MTHFD2L: variants seen among roughly 807,000 people sequenced by gnomAD.
MTHFD2L encodes bifunctional methylenetetrahydrofolate dehydrogenase/cyclohydrolase 2, mitochondrial.
Under a neutral mutation model 34.9 loss-of-function variants are expected in MTHFD2L, and 29 were observed. The observed-to-expected ratio is 0.83, with a 90% CI of 0.62 to 1.13. MTHFD2L has a LOEUF of 1.13. Among genes scored for constraint, MTHFD2L ranks in the 50% most tolerant of loss-of-function variants. The probability of loss-of-function intolerance (pLI) is 0.00; values close to 1 mark genes in which losing one functional copy is unlikely to be tolerated. For missense variants in MTHFD2L, 481 were observed against 446.5 expected, an observed-to-expected ratio of 1.08 and a Z score of -0.70; for synonymous variants, 167 against 155.7, an observed-to-expected ratio of 1.07 and a Z score of -0.54.
intron 1 of MTHFD2L, among the ~76,000 whole-genome samples, chr4:74,138,758 A>G (rs1054565824): frequency 1.3e-5 from 2 of 152,204 alleles, no homozygotes; most frequent in African/African-American, 2.4e-5. Context: ...GTTCAGTAGC[A>G]AGATTTAATG....
chr4:74,285,392 C>T (rs1435264197), intron 7 of MTHFD2L, among the ~76,000 whole-genome samples: 2 of 151,960 alleles, frequency 1.3e-5, no homozygotes, highest in African/African-American at 4.8e-5. Flanking sequence ...AGTTGTATGA[C>T]CAAAAGAAGG....
At chr4:74,139,433 T>C (rs1376321244) in intron 1 of MTHFD2L, among the ~76,000 whole-genome samples, 1 of 152,202 alleles carries the variant, frequency 6.6e-6, no homozygotes, top group African/African-American at 2.4e-5. Flanking sequence ...TGTCTGGCTG[T>C]CCTCAGGGGT....
chr4:74,189,810 A>G (rs975713662), intron 3 of MTHFD2L, among the ~76,000 whole-genome samples: 2 of 151,894 alleles, frequency 1.3e-5, no homozygotes, highest in Non-Finnish European at 2.9e-5. Context: ...TTATATCCTC[A>G]TCTGTTTTTG....
chr4:74,127,737 C>T (rs1035545604), intron 1 of MTHFD2L, among the ~76,000 whole-genome samples: 5 of 152,012 alleles, frequency 3.3e-5, no homozygotes, highest in Non-Finnish European at 7.4e-5. Context: ...CTTTGATATA[C>T]CGATTTTCTT....
intron 1 of MTHFD2L, among the ~76,000 whole-genome samples, chr4:74,145,371 A>T (rs1723532456): frequency 6.6e-6 from 1 of 152,188 alleles, no homozygotes; most frequent in Non-Finnish European, 1.5e-5. Context: ...CATAAGTTCT[A>T]TGCAAATACT....
At chr4:74,270,759 G>A (rs532735684) in intron 6 of MTHFD2L, among the ~76,000 whole-genome samples, 79 of 152,254 alleles carry the variant, frequency 5.2e-4, no homozygotes, top group African/African-American at 1.9e-3. Context: ...GTCTTCCACA[G>A]TGGTTGAACT....
chr4:74,295,171 T>A (rs1352044170), intron 7 of MTHFD2L, among the ~76,000 whole-genome samples: 1 of 152,064 alleles, frequency 6.6e-6, no homozygotes, highest in African/African-American at 2.4e-5. Context: ...TGACCCCATA[T>A]AGCCCATGAT....
At chr4:74,164,610 A>C (rs1378231037) in intron 1 of MTHFD2L, among the ~76,000 whole-genome samples, 1 of 152,238 alleles carries the variant, frequency 6.6e-6, no homozygotes, top group Non-Finnish European at 1.5e-5. Flanking sequence ...CTTTTAGCCA[A>C]ATCCTCTTAT....
At chr4:74,205,623 G>A in intron 5 of MTHFD2L, among the ~76,000 whole-genome samples, 1 of 152,026 alleles carries the variant, frequency 6.6e-6, no homozygotes, top group African/African-American at 2.4e-5. Context: ...AATATTTAGA[G>A]GAATGAGAAT....
intron 7 of MTHFD2L, among the ~76,000 whole-genome samples, chr4:74,301,354 C>T (rs73824458): frequency 0.044 from 6,752 of 151,984 alleles, 468 homozygotes; most frequent in African/African-American, 0.15. Flanking sequence ...CTTTTGTGAC[C>T]AGTATCATGT....
intron 1 of MTHFD2L, among the ~76,000 whole-genome samples, chr4:74,141,008 CT>C (rs1293910422): frequency 6.6e-6 from 1 of 152,138 alleles, no homozygotes; most frequent in African/African-American, 2.4e-5. Context: ...GTTAGATTAC[CT>C]TACCAAATAT....
chr4:74,233,763 A>T (rs868336385), intron 6 of MTHFD2L, among the ~76,000 whole-genome samples: 2 of 151,082 alleles, frequency 1.3e-5, no homozygotes, highest in Middle Eastern at 3.4e-3. Flanking sequence ...ACAAAGTTTT[A>T]TTTTTTTTTC....
At chr4:74,222,704 A>G in intron 5 of MTHFD2L, among the ~76,000 whole-genome samples, 1 of 152,114 alleles carries the variant, frequency 6.6e-6, no homozygotes, top group South Asian at 2.1e-4. Context: ...ACTTTGATTA[A>G]GTAAACTGTG....
At chr4:74,173,898 G>A (rs943667592) in intron 1 of MTHFD2L, among the ~76,000 whole-genome samples, 3 of 152,148 alleles carry the variant, frequency 2.0e-5, no homozygotes, top group South Asian at 2.1e-4. Context: ...TGTGAAAGTT[G>A]TGAAGAAATG....
At chr4:74,297,130 A>G (rs1749728381) in intron 7 of MTHFD2L, among the ~76,000 whole-genome samples, 1 of 152,104 alleles carries the variant, frequency 6.6e-6, no homozygotes, top group Non-Finnish European at 1.5e-5. Context: ...CAGAGTCTAA[A>G]GTTTGCAGAG....
At position 74,158,345 on chromosome 4, in the gene MTHFD2L, C is replaced by T. The variant is rs986385417; in HGVS notation, c.143+64C>T. ...GGTGGGAGGTCGGCGGGGGCGCGGGCGGCGCTCGCGCGCGTGGGGCCCAAG... is the reference window on the plus strand; with the variant it reads ...GGTGGGAGGTCGGCGGGGGCGCGGGTGGCGCTCGCGCGCGTGGGGCCCAAG... On this transcript the variant is annotated intron_variant, in intron 1 of 7. Transcript: ENST00000325278. 1.1e-4 allele frequency: 121 copies of T among 1,139,682 alleles called. 2 individuals carry two copies. The highest frequency in any genetic ancestry group is 4.8e-5 in the Admixed American group (1 of 20,806). The allele number at this position is 1,139,682 out of a possible 1,614,324, so 70.6% of individuals were successfully genotyped here.
intron 1 of MTHFD2L, among the ~76,000 whole-genome samples, chr4:74,170,275 A>T (rs1162942580): frequency 6.6e-6 from 1 of 152,222 alleles, no homozygotes; most frequent in Admixed American, 6.5e-5. Context: ...ATAGATACAT[A>T]ATAACCAACT....
intron 6 of MTHFD2L, among the ~76,000 whole-genome samples, chr4:74,252,634 AAC>A (rs1390637194): frequency 6.6e-6 from 1 of 152,198 alleles, no homozygotes; most frequent in Middle Eastern, 3.2e-3. Context: ...ATAAAACTTT[AAC>A]ACTAAATAGC....
chr4:74,281,148 T>G (rs1336717673), intron 6 of MTHFD2L, among the ~76,000 whole-genome samples: 1 of 152,086 alleles, frequency 6.6e-6, no homozygotes, highest in African/African-American at 2.4e-5. Flanking sequence ...TACAAAAGGA[T>G]GCTGCTCAAG....
Sources: allele counts gnomAD v4.1 joint callset (sites outside exome capture counted in the v4.1 genomes callset), GRCh38; gene constraint gnomAD v4.1.1; transcripts MANE v1.5; gene names NCBI Gene and HGNC (gene_info 2026-07-23, HGNC 2026-07-21).